CNTN4: variants seen among roughly 807,000 people sequenced by gnomAD.
CNTN4 encodes the protein contactin 4.
A neutral mutation model predicts 122.5 loss-of-function variants in CNTN4; 77 were observed. That is an observed-to-expected ratio of 0.63 (90% CI 0.52 to 0.76). The LOEUF (loss-of-function observed/expected upper bound fraction) is 0.76, where lower values mean the gene tolerates loss of function less well. Among genes scored for constraint, CNTN4 ranks in the 30% least tolerant of loss-of-function variants. The pLI is 0.00. For synonymous variants in CNTN4, 512 were observed against 447.0 expected, an observed-to-expected ratio of 1.15 and a Z score of -1.83; for missense variants, 1,256 against 1,259.1, an observed-to-expected ratio of 1.00 and a Z score of 0.04.
At chr3:2,362,611 A>C in intron 3 of CNTN4, 1 of 491,670 alleles carries the variant, frequency 2.0e-6, no homozygotes, top group Non-Finnish European at 4.0e-6. Context: ...GTGTGTAAGA[A>C]GATAGCAAGG....
rs148769629 is a variant in CNTN4 at position 2,827,961 on chromosome 3, C to T, written c.454+8380C>T. Among the ~76,000 whole-genome samples, 505 of 152,106 alleles carry T rather than the reference C, an allele frequency of 3.3e-3. 3 individuals carry two copies. The highest frequency in any genetic ancestry group is 0.027 in the Middle Eastern group (8 of 294). On this transcript the variant is annotated intron_variant, in intron 7 of 24. Transcript: ENST00000418658. ...TTTAAATGGTTACAAAATTAACAAT[C>T]ACTTAATTGTCATAAAAAGCTATAA...
At chr3:2,877,380 C>T (rs911702426) in intron 8 of CNTN4, among the ~76,000 whole-genome samples, 1 of 152,212 alleles carries the variant, frequency 6.6e-6, no homozygotes, top group Non-Finnish European at 1.5e-5. Context: ...ACCTTCATTA[C>T]TATTGTTGTA....
chr3:2,573,493 C>G (rs961194137), intron 4 of CNTN4, among the ~76,000 whole-genome samples: 2 of 152,130 alleles, frequency 1.3e-5, no homozygotes, highest in Admixed American at 6.5e-5. Context: ...AGAGTTTTAA[C>G]TTCTCATAAT....
intron 2 of CNTN4, among the ~76,000 whole-genome samples, chr3:2,156,706 G>T (rs56743517): frequency 4.7e-4 from 71 of 152,260 alleles, no homozygotes; most frequent in African/African-American, 1.6e-3. Flanking sequence ...CACAGACAGC[G>T]TTAACTCTGG....
At chr3:2,782,278 A>T (rs1003887291) in intron 6 of CNTN4, among the ~76,000 whole-genome samples, 4 of 149,736 alleles carry the variant, frequency 2.7e-5, no homozygotes, top group Non-Finnish European at 4.4e-5. Context: ...GAGGAAGTCC[A>T]TTTAGATGGT....
chr3:2,978,870 T>C (rs1030543266), intron 13 of CNTN4, among the ~76,000 whole-genome samples: 4 of 152,204 alleles, frequency 2.6e-5, no homozygotes, highest in African/African-American at 7.2e-5. Context: ...GAAGTAGTCT[T>C]ACCGAAATAT....
At chr3:2,895,757 G>T (rs1024560361) in intron 10 of CNTN4, among the ~76,000 whole-genome samples, 8 of 152,336 alleles carry the variant, frequency 5.3e-5, no homozygotes, top group African/African-American at 1.2e-4. Context: ...AGGAGGGGCT[G>T]GGCGCAGTGG....
chr3:2,787,709 C>A (rs1415570562), intron 6 of CNTN4, among the ~76,000 whole-genome samples: 1 of 152,048 alleles, frequency 6.6e-6, no homozygotes, highest in Admixed American at 6.6e-5. Flanking sequence ...GATGCAATAG[C>A]GCATACTTTG....
chr3:2,194,433 CCT>C (rs1259415606), intron 2 of CNTN4, among the ~76,000 whole-genome samples: 42 of 152,178 alleles, frequency 2.8e-4, no homozygotes, highest in African/African-American at 9.4e-4. Context: ...TGCACTCCAG[CCT>C]GGGTGACAGA....
chr3:3,030,733 C>T (rs1245290231), intron 15 of CNTN4, 122 bp from the exon 16 acceptor site: 2 of 1,176,484 alleles, frequency 1.7e-6, no homozygotes, highest in Non-Finnish European at 2.5e-6. Flanking sequence ...CCATGGTTTG[C>T]ATCACTAATG....
chr3:3,042,688 G>T (rs973168000), intron 21 of CNTN4, among the ~76,000 whole-genome samples: 2 of 152,098 alleles, frequency 1.3e-5, no homozygotes, highest in African/African-American at 4.8e-5. Flanking sequence ...TTTGACTTCT[G>T]ATATGCCCAG....
chr3:2,540,973 A>C (rs781440409), intron 3 of CNTN4, among the ~76,000 whole-genome samples: 41 of 152,124 alleles, frequency 2.7e-4, no homozygotes, highest in Admixed American at 7.2e-4. Context: ...TAGGATTTCA[A>C]AGCATCTGTT....
intron 4 of CNTN4, among the ~76,000 whole-genome samples, chr3:2,650,003 CATATAA>C (rs2083291533): frequency 6.8e-6 from 1 of 146,394 alleles, no homozygotes; most frequent in Non-Finnish European, 1.5e-5. Context: ...AGATATTTTA[CATATAA>C]ATATATATAT....
chr3:3,024,554 T>C (rs1698572006), intron 14 of CNTN4, among the ~76,000 whole-genome samples: 1 of 152,098 alleles, frequency 6.6e-6, no homozygotes, highest in African/African-American at 2.4e-5. Flanking sequence ...TCACTTCTCA[T>C]TTCATGGACA....
chr3:2,761,110 C>G (rs990839530), intron 6 of CNTN4, among the ~76,000 whole-genome samples: 1 of 152,140 alleles, frequency 6.6e-6, no homozygotes, highest in Non-Finnish European at 1.5e-5. Context: ...AACTAAAAGG[C>G]CCACCTTGTA....
intron 3 of CNTN4, among the ~76,000 whole-genome samples, chr3:2,489,374 G>C (rs965779109): frequency 2.0e-5 from 3 of 152,140 alleles, no homozygotes; most frequent in African/African-American, 7.2e-5. Context: ...TTATTTGAAT[G>C]AAACTGGAGA....
intron 2 of CNTN4, among the ~76,000 whole-genome samples, chr3:2,194,056 G>A (rs11707921): frequency 0.018 from 2,728 of 152,134 alleles, 33 homozygotes; most frequent in Middle Eastern, 0.052. Flanking sequence ...TGTACTATGG[G>A]TACATAAAAA....
chr3:2,137,211 A>C (rs2034737558), intron 2 of CNTN4, among the ~76,000 whole-genome samples: 1 of 152,170 alleles, frequency 6.6e-6, no homozygotes, highest in Non-Finnish European at 1.5e-5. Context: ...GCTGTATCTA[A>C]ATTGGACATG....
intron 4 of CNTN4, among the ~76,000 whole-genome samples, chr3:2,605,263 G>T (rs960935047): frequency 6.6e-6 from 1 of 152,184 alleles, no homozygotes; most frequent in African/African-American, 2.4e-5. Flanking sequence ...GATTACAGGC[G>T]TGAGCCACCA....
Sources: allele counts gnomAD v4.1 joint callset (sites outside exome capture counted in the v4.1 genomes callset), GRCh38; gene constraint gnomAD v4.1.1; transcripts MANE v1.5; gene names NCBI Gene and HGNC (gene_info 2026-07-23, HGNC 2026-07-21).